Variants in CEMIP2 observed in about 807,000 individuals in gnomAD.
CEMIP2 encodes the protein cell surface hyaluronidase CEMIP2.
In CEMIP2, 79 loss-of-function variants were observed where a neutral mutation model predicts 146.9. That is an observed-to-expected ratio of 0.54 (90% CI 0.45 to 0.65). The LOEUF is 0.65. Ranked by LOEUF, CEMIP2 falls within the 30% of genes least tolerant of loss-of-function variation. The pLI is 0.00. For synonymous variants in CEMIP2, 601 were observed against 606.3 expected (o/e 0.99, Z 0.13); for missense variants, 1,596 against 1,696.2 (o/e 0.94, Z 1.04).
At chr9:71,737,069 T>C (rs1057024316) in intron 5 of CEMIP2, among the ~76,000 whole-genome samples, 8 of 149,354 alleles carry the variant, frequency 5.4e-5, no homozygotes, top group African/African-American at 1.5e-4. Flanking sequence ...ACTGGGAAGA[T>C]TGCTTAAGCC....
At chr9:71,759,670 A>G (rs1316871982) in intron 1 of CEMIP2, among the ~76,000 whole-genome samples, 2 of 152,204 alleles carry the variant, frequency 1.3e-5, no homozygotes, top group Non-Finnish European at 2.9e-5. Flanking sequence ...ACTTCTAGAT[A>G]GTTCTTTTTG....
chr9:71,740,576 A>T (rs181374987), intron 4 of CEMIP2, among the ~76,000 whole-genome samples: 3 of 152,304 alleles, frequency 2.0e-5, no homozygotes, highest in Admixed American at 2.0e-4. Context: ...TGATTATCAC[A>T]TGCTCTCTTT....
At chr9:71,725,794 C>G in intron 10 of CEMIP2, 85 bp from the exon 11 acceptor site, 2 of 1,430,438 alleles carry the variant, frequency 1.4e-6, no homozygotes, top group Non-Finnish European at 1.9e-6. Flanking sequence ...TCTTCATCAG[C>G]AAGTTTAATC....
rs1168820544 is a variant in CEMIP2, at chr9:71,750,367, C to T, written c.7G>A (p.Ala3Thr). ...GGGGAGTGTCCCCTGGAATCAGTGG[C>T]ATACATGATACACTGTTACTGTGAA... MY[A>T]TDSRGHSPAF... is the part of the protein sequence containing the mutation. The change falls in exon 2 of 24, where the codon GCC (alanine) becomes ACC (threonine). Residue 3 changes from alanine to threonine, a missense_variant. Physicochemically the swap from Ala to Thr is moderately conservative, Grantham distance 58 (BLOSUM62 0). Transcript: ENST00000377044. 1 of 1,605,900 alleles carries T rather than the reference C, an allele frequency of 6.2e-7. No homozygotes were observed. Among genetic ancestry groups the T allele is most frequent in the East Asian group, 2.2e-5 (1 of 44,780 alleles).
chr9:71,748,281 T>C (rs1824146231), intron 2 of CEMIP2, among the ~76,000 whole-genome samples: 1 of 152,222 alleles, frequency 6.6e-6, no homozygotes, highest in South Asian at 2.1e-4. Context: ...ATGTGTAGTC[T>C]GTACAAAGCA....
In CEMIP2 at chr9:71,712,069, C is replaced by T. The variant is rs775044900; in HGVS notation, c.2769+14G>A. 12 of 1,612,038 alleles carry T rather than the reference C, an allele frequency of 7.4e-6. No individual in the cohort carries two copies. The highest frequency in any genetic ancestry group is 1.0e-5 in the Non-Finnish European group (12 of 1,179,018). ...CACCATAGTCACTACGTAAGAACTA[C>T]AGAACATACTTACATGTGGACCAAA... On this transcript the variant is annotated intron_variant, in intron 16 of 23. Coordinates refer to ENST00000377044, the MANE Select transcript of CEMIP2 (RefSeq NM_013390.3).
intron 13 of CEMIP2, among the ~76,000 whole-genome samples, chr9:71,717,393 G>GA (rs34688485): frequency 4.0e-5 from 6 of 149,714 alleles, no homozygotes; most frequent in East Asian, 3.9e-4. Flanking sequence ...TTCAGTGCCA[G>GA]AAAAAAAAAT....
At chr9:71,733,848 C>CT (rs757541859) in intron 6 of CEMIP2, among the ~76,000 whole-genome samples, 3,358 of 145,454 alleles carry the variant, frequency 0.023, 89 homozygotes, top group South Asian at 0.13. Context: ...TTTGTGTAGT[C>CT]TTTTTTTTTT....
At chr9:71,732,295 C>T (rs1018650314) in intron 7 of CEMIP2, 56 bp downstream of exon 7, 2 of 1,495,176 alleles carry the variant, frequency 1.3e-6, no homozygotes, top group African/African-American at 2.8e-5. Flanking sequence ...ACAGTTTCTT[C>T]AAACATATAT....
intron 1 of CEMIP2, among the ~76,000 whole-genome samples, chr9:71,753,468 T>C (rs961673482): frequency 2.6e-5 from 4 of 152,142 alleles, no homozygotes; most frequent in Non-Finnish European, 5.9e-5. Flanking sequence ...AAATCAAAAA[T>C]AAGCATGGTC....
chr9:71,746,147 C>G (rs1189174164), intron 3 of CEMIP2, 54 bp downstream of exon 3: 3 of 1,579,194 alleles, frequency 1.9e-6, no homozygotes, highest in South Asian at 2.3e-5. Context: ...CATCAAATAT[C>G]CCCCACATTA....
chr9:71,763,406 C>T (rs1824697446), intron 1 of CEMIP2, among the ~76,000 whole-genome samples: 1 of 152,182 alleles, frequency 6.6e-6, no homozygotes, highest in African/African-American at 2.4e-5. Context: ...AAGATACTTA[C>T]ATGAAACTCA....
intron 19 of CEMIP2, chr9:71,699,307 A>G (rs1407151955): frequency 9.0e-6 from 3 of 334,892 alleles, no homozygotes; most frequent in Non-Finnish European, 1.9e-5. Flanking sequence ...AAAATTGAAA[A>G]TCAATGCTGG....
At chr9:71,754,495 A>T (rs924930598) in intron 1 of CEMIP2, among the ~76,000 whole-genome samples, 7 of 152,176 alleles carry the variant, frequency 4.6e-5, no homozygotes, top group African/African-American at 1.7e-4. Context: ...TTTTTTTTAA[A>T]TGGTCGTATT....
At chr9:71,708,696 A>T (rs1442874235) in intron 17 of CEMIP2, among the ~76,000 whole-genome samples, 1 of 152,162 alleles carries the variant, frequency 6.6e-6, no homozygotes, top group African/African-American at 2.4e-5. Context: ...CTCAATGTAT[A>T]TCATCTCCTC....
chr9:71,737,458 T>A (rs1317368977), intron 5 of CEMIP2, among the ~76,000 whole-genome samples: 1 of 150,882 alleles, frequency 6.6e-6, no homozygotes, highest in Non-Finnish European at 1.5e-5. Context: ...CTCTAAGGGA[T>A]GACAATATGA....
intron 14 of CEMIP2, 114 bp downstream of exon 14, chr9:71,716,403 A>T: frequency 2.2e-6 from 2 of 906,112 alleles, no homozygotes; most frequent in Non-Finnish European, 3.3e-6. Flanking sequence ...AGAGGTTGCT[A>T]ATTTTTTTTA....
At chr9:71,690,487 C>A (rs971912474) in intron 21 of CEMIP2, among the ~76,000 whole-genome samples, 2 of 152,226 alleles carry the variant, frequency 1.3e-5, no homozygotes, top group African/African-American at 2.4e-5. Context: ...CTGCTTTGAG[C>A]AAGGCATGGT....
Position 71,746,227 on chromosome 9 carries a change from A to T in CEMIP2, c.446T>A (p.Val149Glu). 1 of 1,613,944 alleles carries T rather than the reference A, an allele frequency of 6.2e-7. No homozygotes were observed. The highest frequency in any genetic ancestry group is 2.2e-5 in the East Asian group (1 of 44,868). Residue 149 changes from valine (V) to glutamate (E), a missense_variant, in exon 3 of 24, where the codon GTG becomes GAG. Val to Glu is a moderately radical substitution (Grantham distance 121, BLOSUM62 -2). Coordinates refer to ENST00000377044, the MANE Select transcript of CEMIP2 (RefSeq NM_013390.3). Reference protein sequence around the residue: ...DMLRLTSDATVHSIVIQDGGL... With the variant: ...DMLRLTSDATEHSIVIQDGGL... ...TCCATCCTGAATGACTATAGAATGC[A>T]CGGTGGCGTCTGAGGTCAGACGGAG...
Sources: allele counts gnomAD v4.1 joint callset (sites outside exome capture counted in the v4.1 genomes callset), GRCh38; gene constraint gnomAD v4.1.1; transcripts MANE v1.5; gene names NCBI Gene and HGNC (gene_info 2026-07-23, HGNC 2026-07-21).